The following GINS4 variants were observed in gnomAD, a reference collection of about 807,000 sequenced individuals.
The protein encoded by GINS4 is GINS complex subunit 4.
In GINS4, 20 loss-of-function variants were observed where a neutral mutation model predicts 31.1. The ratio of observed to expected loss-of-function variants is 0.64; its 90% CI spans 0.45 to 0.93. The LOEUF is 0.93. GINS4 is among the 40% of genes least tolerant of loss of function. The pLI is 0.00. For synonymous variants in GINS4, 85 were observed against 97.9 expected (o/e 0.87, Z 0.78); for missense variants, 245 against 273.9 (o/e 0.89, Z 0.75).
At chr8:41,530,943 G>A (rs1026677254) in intron 2 of GINS4, among the ~76,000 whole-genome samples, 3 of 152,180 alleles carry the variant, frequency 2.0e-5, no homozygotes, top group Admixed American at 6.5e-5. Context: ...GAGCAAGTTA[G>A]GGAGTTTGTC....
intron 2 of GINS4, among the ~76,000 whole-genome samples, chr8:41,533,969 A>G (rs1033894637): frequency 6.6e-6 from 1 of 152,056 alleles, no homozygotes; most frequent in African/African-American, 2.4e-5. Flanking sequence ...CATCCTAATG[A>G]CCTCATTTTA....
rs1359272229 is a variant in GINS4, at chr8:41,537,101, A to G, written c.184-79A>G. On this transcript the variant is annotated intron_variant, in intron 3 of 7. Transcript: ENST00000276533. The stretch of plus-strand genomic sequence containing the variant: ...ATTTTTGTTTTCCTTGGACTGAAAC[A>G]TAGTCTGGGTCCTCAACGTTGCCGG... The G allele has an allele frequency of 1.2e-5, 10 of 826,680 alleles. No homozygotes were observed. The East Asian group carries it at 2.4e-4, about 20-fold the overall frequency. The allele number at this position is 826,680 out of a possible 1,614,324, so 51.2% of individuals were successfully genotyped here.
chr8:41,529,821 G>A (rs1292750555), intron 1 of GINS4: 1 of 166,678 alleles, frequency 6.0e-6, no homozygotes, highest in Non-Finnish European at 1.3e-5. Context: ...CCAGTGCTTA[G>A]TGCCAGGCAC....
chr8:41,536,271 C>T, intron 2 of GINS4, 89 bp from the exon 3 acceptor site: 3 of 801,298 alleles, frequency 3.7e-6, no homozygotes, highest in South Asian at 1.4e-5. Context: ...CCTGCGCCAT[C>T]CCTGGTTTTC....
intron 2 of GINS4, among the ~76,000 whole-genome samples, chr8:41,531,504 C>T (rs567726692): frequency 3.3e-5 from 5 of 152,298 alleles, no homozygotes; most frequent in African/African-American, 9.6e-5. Context: ...CCCTGCCATA[C>T]ATGATATCAC....
chr8:41,539,516 C>T (rs531350441), intron 4 of GINS4, among the ~76,000 whole-genome samples, 162 bp from the exon 5 acceptor site: 5 of 152,120 alleles, frequency 3.3e-5, no homozygotes, highest in Admixed American at 2.0e-4. Flanking sequence ...GTCTCAGAGA[C>T]GTTGTCCTGT....
chr8:41,530,148 CG>C, intron 1 of GINS4, 35 bp from the exon 2 acceptor site: 1 of 1,249,770 alleles, frequency 8.0e-7, no homozygotes, highest in East Asian at 2.3e-5. Context: ...AATTAGAAAA[CG>C]CATTGCAGAG....
intron 4 of GINS4, among the ~76,000 whole-genome samples, chr8:41,539,376 G>T (rs1384234936): frequency 6.6e-6 from 1 of 150,542 alleles, no homozygotes; most frequent in Non-Finnish European, 1.5e-5. Context: ...CTGTGGCAAG[G>T]GTCTTTCACA....
rs1212514292 is a variant in GINS4 at position 41,537,437 on chromosome 8, T to C, written c.297+144T>C. ...GAGCCCAATATCCATGTAGCTAAAC[T>C]GTAAGGAGAGCGAGAGATTGCTCCA... On this transcript the variant is annotated intron_variant, in intron 4 of 7. Coordinates refer to ENST00000276533, the MANE Select transcript of GINS4 (RefSeq NM_032336.3). 2.2e-5 allele frequency: 13 copies of C among 599,334 alleles called. No homozygotes were observed. The East Asian group carries it at 2.8e-4, about 13-fold the overall frequency. 37.1% of individuals were successfully genotyped at this position (599,334 alleles called of 1,614,324 possible).
At chr8:41,539,333 A>AC (rs201309907) in intron 4 of GINS4, among the ~76,000 whole-genome samples, 19,960 of 148,278 alleles carry the variant, frequency 0.13, 1,627 homozygotes, top group East Asian at 0.21. Flanking sequence ...AAAAAAAAAA[A>AC]AAAAAAAAAA....
intron 2 of GINS4, 119 bp from the exon 3 acceptor site, chr8:41,536,241 G>T: frequency 1.4e-6 from 1 of 734,780 alleles, no homozygotes. Flanking sequence ...TTTCCAGTTG[G>T]TGGGCAGACA....
intron 3 of GINS4, 86 bp downstream of exon 3, chr8:41,536,532 A>T (rs1806744345): frequency 2.6e-6 from 2 of 764,160 alleles, no homozygotes; most frequent in Non-Finnish European, 4.5e-6. Flanking sequence ...GTCTGGTAGC[A>T]AATCTGTTTT....
chr8:41,537,498 G>A (rs1167344256), intron 4 of GINS4: 5 of 518,664 alleles, frequency 9.6e-6, no homozygotes, highest in Non-Finnish European at 1.7e-5. Flanking sequence ...CCCACTGCGG[G>A]GACACCGCAC....
chr8:41,536,095 C>T (rs912973939), intron 2 of GINS4, among the ~76,000 whole-genome samples: 7 of 152,160 alleles, frequency 4.6e-5, no homozygotes, highest in African/African-American at 1.4e-4. Flanking sequence ...CAGCACCAAG[C>T]GTCACACTAA....
chr8:41,542,164 A>C lies in GINS4; in HGVS notation c.*77A>C. The C allele has an allele frequency of 9.2e-7, 1 of 1,089,488 alleles. No homozygotes were observed. The highest frequency in any genetic ancestry group is 2.4e-5 in the East Asian group (1 of 42,472). The allele number at this position is 1,089,488 out of a possible 1,614,324, so 67.5% of individuals were successfully genotyped here. A position where few individuals can be genotyped will look rare whatever the true frequency, so the allele number is the denominator to read the frequency against. On this transcript the variant is annotated 3_prime_UTR_variant, in exon 8 of 8. Coordinates refer to ENST00000276533, the MANE Select transcript of GINS4 (RefSeq NM_032336.3). Reference sequence around the variant, plus strand: ...TTTGGGAGGCCGAGGCGGGCGGATCATGAGGTCAGGAGTTCGAGACCAACC... The same window carrying C: ...TTTGGGAGGCCGAGGCGGGCGGATCCTGAGGTCAGGAGTTCGAGACCAACC...
intron 6 of GINS4, 77 bp from the exon 7 acceptor site, chr8:41,541,730 ACC>A: frequency 9.2e-7 from 1 of 1,086,390 alleles, no homozygotes; most frequent in Non-Finnish European, 1.4e-6. Context: ...AGTGTGCCAT[ACC>A]ATTCTTCCCA....
At chr8:41,539,871 C>T (rs1223035078) in intron 5 of GINS4, 45 bp from the exon 6 acceptor site, 1 of 1,593,102 alleles carries the variant, frequency 6.3e-7, no homozygotes, top group African/African-American at 1.3e-5. Context: ...CCTTGGACGT[C>T]CATCAGCTGT....
chr8:41,530,362 A>G, intron 2 of GINS4, 64 bp downstream of exon 2: 3 of 1,154,508 alleles, frequency 2.6e-6, no homozygotes, highest in Non-Finnish European at 3.8e-6. Flanking sequence ...AACTGTGAAT[A>G]TCAGGGATCA....
chr8:41,536,425 C>T lies in GINS4; in HGVS notation c.162C>T (p.Val54=). The change falls in exon 3 of 8, where the codon GTC becomes GTT. Residue 54 remains valine, a synonymous_variant. Transcript: ENST00000276533. Reference sequence around the variant, plus strand: ...GCAAGCCTGAGATTGTAGAATGTGTCATGGAACAGCTGGAGCACATGGTAA... The same window carrying T: ...GCAAGCCTGAGATTGTAGAATGTGTTATGGAACAGCTGGAGCACATGGTAA... The part of the protein sequence containing the change: ...LESKPEIVEC[V]MEQLEHMEEN... 1 of 1,607,798 alleles carries T rather than the reference C, an allele frequency of 6.2e-7. No homozygotes were observed.
Sources: allele counts gnomAD v4.1 joint callset (sites outside exome capture counted in the v4.1 genomes callset), GRCh38; gene constraint gnomAD v4.1.1; transcripts MANE v1.5; gene names NCBI Gene and HGNC (gene_info 2026-07-23, HGNC 2026-07-21).